Variants in NCLN observed in about 807,000 individuals in gnomAD.
NCLN encodes the protein BOS complex subunit NCLN.
NCLN carries 34 observed loss-of-function variants against 69.5 expected under a neutral mutation model. The ratio of observed to expected loss-of-function variants is 0.49; its 90% CI spans 0.37 to 0.65. NCLN has a LOEUF of 0.65. Ranked by LOEUF, NCLN falls within the 30% of genes least tolerant of loss-of-function variation. The pLI is 0.00. For synonymous variants in NCLN, 393 were observed against 358.3 expected (o/e 1.10, Z -1.09); for missense variants, 710 against 804.8 (o/e 0.88, Z 1.42).
intron 1 of NCLN, 27 bp downstream of exon 1, chr19:3,186,241 G>T: frequency 5.6e-6 from 8 of 1,428,952 alleles, no homozygotes; most frequent in Non-Finnish European, 7.3e-6. Flanking sequence ...CACCCTCGGG[G>T]CTCCCCGGGC....
chr19:3,189,814 C>T (rs927313876), intron 1 of NCLN, among the ~76,000 whole-genome samples: 1 of 152,242 alleles, frequency 6.6e-6, no homozygotes, highest in African/African-American at 2.4e-5. Flanking sequence ...GAGCCCTTGC[C>T]ATTGGGCCCC....
intron 1 of NCLN, among the ~76,000 whole-genome samples, chr19:3,189,459 A>G: frequency 6.6e-6 from 1 of 152,196 alleles, no homozygotes; most frequent in South Asian, 2.1e-4. Flanking sequence ...TCCACGCAGA[A>G]ACAGCTGAGC....
intron 1 of NCLN, among the ~76,000 whole-genome samples, chr19:3,189,198 C>G (rs781756176): frequency 2.6e-5 from 4 of 152,212 alleles, no homozygotes; most frequent in South Asian, 2.1e-4. Flanking sequence ...AAGGCTTTCT[C>G]GGCTCGGTGG....
intron 5 of NCLN, among the ~76,000 whole-genome samples, chr19:3,199,716 T>TTC (rs1415321946): frequency 1.1e-5 from 1 of 91,302 alleles, no homozygotes; most frequent in South Asian, 3.6e-4. Flanking sequence ...TTTTTTTTTT[T>TTC]AATTGAGACA....
In NCLN at chr19:3,197,014, G is replaced by T. The variant is rs78463309; in HGVS notation, c.615+737G>T. Among the ~76,000 whole-genome samples, 113 of 152,382 alleles carry T rather than the reference G, an allele frequency of 7.4e-4. 1 individual carries two copies. The East Asian group carries it at 0.019, about 26-fold the overall frequency. ...AGTGGAAAAGCAGCGGCTTAGGCCG[G>T]GGTGGGGAAAGTGTCCTGGAGGCCC... On this transcript the variant is annotated intron_variant, in intron 4 of 14. Coordinates refer to ENST00000246117, the MANE Select transcript of NCLN (RefSeq NM_020170.4).
chr19:3,201,657 G>C, intron 6 of NCLN, 31 bp downstream of exon 6: 1 of 1,429,170 alleles, frequency 7.0e-7, no homozygotes, highest in Non-Finnish European at 9.5e-7. Flanking sequence ...GGGGATGGGG[G>C]TGCGGGGGCC....
In NCLN at chr19:3,186,062, A is replaced by C. The variant is rs2144889080; in HGVS notation, c.32A>C (p.Asn11Thr). Residue 11 changes from asparagine (N) to threonine (T), a missense_variant, in exon 1 of 15, where the codon AAC becomes ACC. Asn to Thr is a moderately conservative substitution (Grantham distance 65). Coordinates refer to ENST00000246117, the MANE Select transcript of NCLN (RefSeq NM_020170.4). ...GAGGAAGCGGGCGAGGTGCTGGAGA[A>C]CATGCTGAAGGCGTCTTGTCTGCCG... MLEEAGEVLE[N>T]MLKASCLPLG... 6.3e-7 allele frequency: 1 copy of C among 1,594,136 alleles called. No individual in the cohort carries two copies. The highest frequency in any genetic ancestry group is 8.5e-7 in the Non-Finnish European group (1 of 1,172,816).
chr19:3,204,534 T>C (rs1599358813), intron 8 of NCLN, 39 bp from the exon 9 acceptor site: 1 of 1,489,186 alleles, frequency 6.7e-7, no homozygotes, highest in South Asian at 1.3e-5. Flanking sequence ...GTGGCCGCCA[T>C]CCCCGCCTGC....
chr19:3,207,418 C>T lies in NCLN; in HGVS notation c.1581C>T (p.Leu527=), dbSNP rs1916299272. 13 of 1,613,024 alleles carry T rather than the reference C, an allele frequency of 8.1e-6. No individual in the cohort carries two copies. Among genetic ancestry groups the T allele is most frequent in the African/African-American group, 2.7e-5 (2 of 74,950 alleles). The change falls in exon 14 of 15, where the codon CTC becomes CTT. Residue 527 remains leucine, a synonymous_variant. Coordinates refer to ENST00000246117, the MANE Select transcript of NCLN (RefSeq NM_020170.4). The stretch of plus-strand genomic sequence containing the variant: ...TCAAGCCGGCCGTCTTTGACCTGCT[C>T]CTGGCTGTTGGCATTGCTGCCTACC... ...YRVKPAVFDL[L]LAVGIAAYLG...
At chr19:3,199,066 G>T (rs540232620) in intron 5 of NCLN, among the ~76,000 whole-genome samples, 169 bp downstream of exon 5, 1 of 152,208 alleles carries the variant, frequency 6.6e-6, no homozygotes, top group Non-Finnish European at 1.5e-5. Flanking sequence ...GGTGGGTGTC[G>T]TGGGGCTGAA....
intron 5 of NCLN, among the ~76,000 whole-genome samples, chr19:3,200,451 C>T (rs1397990714): frequency 2.0e-5 from 3 of 151,534 alleles, no homozygotes; most frequent in African/African-American, 7.3e-5. Context: ...GCTGGGACTA[C>T]AGGCGCGTGC....
chr19:3,198,282 G>A (rs530028623), intron 4 of NCLN, among the ~76,000 whole-genome samples: 13 of 152,148 alleles, frequency 8.5e-5, no homozygotes, highest in East Asian at 5.9e-4. Context: ...CGAGGTGGGC[G>A]GATCATGAGA....
At position 3,201,485 on chromosome 19, in the gene NCLN, C is replaced by A. The variant is rs373531721; in HGVS notation, c.697-38C>A. The A allele has an allele frequency of 1.1e-5, 16 of 1,471,614 alleles. No individual in the cohort carries two copies. The South Asian group carries it at 2.0e-4, about 18-fold the overall frequency. The allele number at this position is 1,471,614 out of a possible 1,614,324, so 91.2% of individuals were successfully genotyped here. The stretch of plus-strand genomic sequence containing the variant: ...GAGGTCATGGGGTGCGGGAGCCGGG[C>A]GGGGGTGACTGTGGCCTTGCCTCTC... On this transcript the variant is annotated intron_variant, in intron 5 of 14. Coordinates refer to ENST00000246117, the MANE Select transcript of NCLN (RefSeq NM_020170.4).
chr19:3,186,722 C>T (rs1381848392), intron 1 of NCLN, among the ~76,000 whole-genome samples: 2 of 152,332 alleles, frequency 1.3e-5, no homozygotes, highest in East Asian at 3.9e-4. Flanking sequence ...GGCCTCTCGC[C>T]TTTAGCTGAC....
intron 13 of NCLN, 45 bp downstream of exon 13, chr19:3,207,296 G>T: frequency 6.2e-7 from 1 of 1,612,696 alleles, no homozygotes; most frequent in Non-Finnish European, 8.5e-7. Flanking sequence ...CCCCCTACGG[G>T]TTACAGCCGA....
At chr19:3,203,677 G>T (rs1916183444) in intron 6 of NCLN, 79 bp from the exon 7 acceptor site, 2 of 1,300,316 alleles carry the variant, frequency 1.5e-6, no homozygotes, top group East Asian at 2.5e-5. Flanking sequence ...CCCTTCCTGG[G>T]GGACCTGTGA....
At position 3,208,809 on chromosome 19, in the gene NCLN, G is replaced by C. The variant is rs1262711073; in HGVS notation, c.*1121G>C. On this transcript the variant is annotated 3_prime_UTR_variant, in exon 15 of 15. Coordinates refer to ENST00000246117, the MANE Select transcript of NCLN (RefSeq NM_020170.4). ...AGAGGACTTGGGGCATGGCCTCTGG[G>C]GCCACCCTTCCTGGAACTCAGAGAG... 6.6e-6 allele frequency: 1 copy of C among 152,444 alleles called. No individual in the cohort carries two copies. The highest frequency in any genetic ancestry group is 1.5e-5 in the Non-Finnish European group (1 of 68,222). The allele number at this position is 152,444 out of a possible 1,614,324, so 9.4% of individuals were successfully genotyped here. A position where few individuals can be genotyped will look rare whatever the true frequency, so the allele number is the denominator to read the frequency against.
intron 1 of NCLN, among the ~76,000 whole-genome samples, chr19:3,192,019 C>T (rs868659906): frequency 1.2e-4 from 19 of 152,128 alleles, no homozygotes; most frequent in Admixed American, 8.5e-4. Flanking sequence ...AAAACCCCGT[C>T]TCTACTAAAA....
chr19:3,200,279 G>C (rs1418653970), intron 5 of NCLN, among the ~76,000 whole-genome samples: 1 of 150,202 alleles, frequency 6.7e-6, no homozygotes, highest in Non-Finnish European at 1.5e-5. Context: ...CCCCTATGAA[G>C]CTTTTTTTGT....
Sources: gnomAD v4.1 joint callset for allele counts (sites outside exome capture counted in the v4.1 genomes callset) on GRCh38, gnomAD v4.1.1 for gene constraint, MANE v1.5 for transcripts, NCBI Gene and HGNC (gene_info 2026-07-23, HGNC 2026-07-21) for gene names.